The following AKAP9 variants were observed in gnomAD, a reference collection of about 807,000 sequenced individuals.
The protein encoded by AKAP9 is A-kinase anchor protein 9.
A neutral mutation model predicts 488.5 loss-of-function variants in AKAP9; 311 were observed. The observed-to-expected ratio is 0.64, with a 90% CI of 0.58 to 0.70. The LOEUF (loss-of-function observed/expected upper bound fraction) is 0.70. Ranked by LOEUF, AKAP9 falls within the 30% of genes least tolerant of loss-of-function variation. AKAP9 has a pLI of 0.00. For missense variants in AKAP9, 4,215 were observed against 4,374.5 expected, an observed-to-expected ratio of 0.96 and a Z score of 1.03; for synonymous variants, 1,462 against 1,483.5, an observed-to-expected ratio of 0.99 and a Z score of 0.33.
intron 5 of AKAP9, among the ~76,000 whole-genome samples, chr7:91,993,257 C>T (rs1584753548): frequency 6.6e-6 from 1 of 150,720 alleles, no homozygotes; most frequent in African/African-American, 2.4e-5. Flanking sequence ...GGTGCAATCT[C>T]GGCCCACTGC....
At chr7:92,043,662 G>A (rs1379967071) in intron 20 of AKAP9, among the ~76,000 whole-genome samples, 4 of 152,010 alleles carry the variant, frequency 2.6e-5, no homozygotes, top group Admixed American at 6.6e-5. Context: ...TACTAAATTA[G>A]TTTAGTTTTA....
chr7:92,084,493 A>G (rs1814152658), intron 33 of AKAP9, 147 bp from the exon 34 acceptor site: 1 of 409,898 alleles, frequency 2.4e-6, no homozygotes, highest in African/African-American at 2.3e-5. Flanking sequence ...CAGACTTGTT[A>G]AAAAAAAAAA....
At chr7:92,105,150 G>A (rs751916911) in intron 46 of AKAP9, among the ~76,000 whole-genome samples, 7 of 152,120 alleles carry the variant, frequency 4.6e-5, no homozygotes, top group African/African-American at 1.4e-4. Context: ...GAAGAAGGTC[G>A]TAACTTGCTG....
chr7:92,056,163 G>A (rs1808760277), intron 22 of AKAP9, among the ~76,000 whole-genome samples: 1 of 151,800 alleles, frequency 6.6e-6, no homozygotes, highest in South Asian at 2.1e-4. Context: ...ACTTTTTTGA[G>A]TCCATTTTTC....
intron 28 of AKAP9, among the ~76,000 whole-genome samples, chr7:92,072,842 C>T (rs1343046327): frequency 6.6e-6 from 1 of 152,152 alleles, no homozygotes; most frequent in East Asian, 1.9e-4. Context: ...TTTAAATGCC[C>T]TTTTACCGTT....
intron 38 of AKAP9, 190 bp from the exon 39 acceptor site, chr7:92,092,907 T>C (rs1584520998): frequency 1.8e-6 from 1 of 548,660 alleles, no homozygotes; most frequent in Non-Finnish European, 3.2e-6. Context: ...CACCTCAGCC[T>C]CCCAAAGTGC....
At chr7:92,061,221 CTTTAT>C (rs766038340) in intron 22 of AKAP9, 34 bp from the exon 23 acceptor site, 1 of 1,606,086 alleles carries the variant, frequency 6.2e-7, no homozygotes. Flanking sequence ...TATTTCCACA[CTTTAT>C]TTTCTTTTAT....
chr7:91,991,598 A>G (rs1259660374), intron 3 of AKAP9, among the ~76,000 whole-genome samples: 3 of 151,962 alleles, frequency 2.0e-5, no homozygotes, highest in African/African-American at 7.2e-5. Context: ...CAGCCTCCCA[A>G]GTAGCTGGGA....
At chr7:92,031,432 G>A (rs1804220106) in intron 15 of AKAP9, 80 bp from the exon 16 acceptor site, 1 of 983,290 alleles carries the variant, frequency 1.0e-6, no homozygotes, top group Non-Finnish European at 1.6e-6. Flanking sequence ...GATACTTTGG[G>A]GAGATTTTGA....
Position 92,022,951 on chromosome 7 carries a change from G to A in AKAP9, c.4090G>A (p.Glu1364Lys). 6.2e-7 allele frequency: 1 copy of A among 1,614,066 alleles called. No individual in the cohort carries two copies. The highest frequency in any genetic ancestry group is 1.3e-5 in the African/African-American group (1 of 75,058). The change falls in exon 14 of 50, where the codon GAG (glutamate) becomes AAG (lysine). Residue 1364 changes from glutamate to lysine, a missense_variant. By Grantham distance (56) the Glu-to-Lys change is moderately conservative. Coordinates refer to ENST00000356239, the MANE Select transcript of AKAP9 (RefSeq NM_005751.5). ...AGAAACTGAACAAAACTATGAGGCA[G>A]AGATCCACTGTTTACAGAAGAGGCT... The part of the protein sequence containing the change: ...LKETEQNYEA[E>K]IHCLQKRLQA...
At chr7:92,084,043 T>C (rs571545702) in intron 33 of AKAP9, among the ~76,000 whole-genome samples, 1 of 152,346 alleles carries the variant, frequency 6.6e-6, no homozygotes, top group Non-Finnish European at 1.5e-5. Context: ...GTTCTCATTG[T>C]TTAACTCCCA....
intron 14 of AKAP9, among the ~76,000 whole-genome samples, chr7:92,027,776 G>A (rs1241049644): frequency 5.3e-5 from 8 of 152,328 alleles, no homozygotes; most frequent in African/African-American, 1.9e-4. Flanking sequence ...TTCTGCAGGT[G>A]TACCCAACAG....
At chr7:91,977,342 G>A (rs558233181) in intron 2 of AKAP9, among the ~76,000 whole-genome samples, 27 of 152,104 alleles carry the variant, frequency 1.8e-4, no homozygotes, top group Non-Finnish European at 3.4e-4. Context: ...AGATCACGAG[G>A]TCAGGAGATC....
intron 23 of AKAP9, among the ~76,000 whole-genome samples, 162 bp downstream of exon 23, chr7:92,061,584 C>CTATGTATATA (rs1809807083): frequency 9.8e-6 from 1 of 102,472 alleles, no homozygotes; most frequent in Non-Finnish European, 1.9e-5. Flanking sequence ...ATTTTTAAAA[C>CTATGTATATA]TATATATATA....
intron 1 of AKAP9, among the ~76,000 whole-genome samples, chr7:91,948,583 C>T (rs1791766959): frequency 7.1e-6 from 1 of 140,596 alleles, no homozygotes; most frequent in South Asian, 2.3e-4. Flanking sequence ...TTTTAATGCA[C>T]TTTTTGGCCA....
chr7:92,074,097 G>T (rs1000036589), intron 28 of AKAP9, among the ~76,000 whole-genome samples: 1 of 152,118 alleles, frequency 6.6e-6, no homozygotes, highest in Non-Finnish European at 1.5e-5. Context: ...TACAGAATGG[G>T]AGAAAATTTT....
intron 2 of AKAP9, among the ~76,000 whole-genome samples, chr7:91,977,985 T>G (rs150601288): frequency 0.011 from 1,606 of 152,264 alleles, 25 homozygotes; most frequent in African/African-American, 0.037. Flanking sequence ...CTCACGCCTG[T>G]AATCCCAGCA....
chr7:91,988,856 G>T (rs978344995), intron 3 of AKAP9, among the ~76,000 whole-genome samples: 1 of 152,026 alleles, frequency 6.6e-6, no homozygotes. Context: ...ATTCAGGTTT[G>T]TTACATAGGT....
chr7:92,110,365 T>C lies in AKAP9; in HGVS notation c.*206T>C, dbSNP rs567684572. On this transcript the variant is annotated 3_prime_UTR_variant, in exon 50 of 50. Coordinates refer to ENST00000356239, the MANE Select transcript of AKAP9 (RefSeq NM_005751.5). ...TGTATGTATTCATGCACAATAATTA[T>C]TGAATTACCTGTATATTTGTGGAAT... The C allele has an allele frequency of 4.7e-5, 26 of 557,434 alleles. No homozygotes were observed. Among genetic ancestry groups the C allele is most frequent in the African/African-American group, 3.6e-4 (19 of 53,052 alleles). 34.5% of individuals were successfully genotyped at this position (557,434 alleles called of 1,614,324 possible).
Sources: allele counts gnomAD v4.1 joint callset (sites outside exome capture counted in the v4.1 genomes callset), GRCh38; gene constraint gnomAD v4.1.1; transcripts MANE v1.5; gene names NCBI Gene and HGNC (gene_info 2026-07-23, HGNC 2026-07-21).